Variants in SETBP1 observed in about 807,000 individuals in gnomAD.
SETBP1 encodes SET-binding protein.
In SETBP1, 9 loss-of-function variants were observed where a neutral mutation model predicts 101.0. That is an observed-to-expected ratio of 0.09 (90% CI 0.05 to 0.16). The LOEUF (loss-of-function observed/expected upper bound fraction) is 0.16, where lower values mean the gene tolerates loss of function less well. Ranked by LOEUF, SETBP1 falls within the 10% of genes least tolerant of loss-of-function variation. The pLI, the probability that SETBP1 is intolerant of heterozygous loss-of-function variation, is 1.00. For synonymous variants in SETBP1, 818 were observed against 788.5 expected, an observed-to-expected ratio of 1.04 and a Z score of -0.63; for missense variants, 1,858 against 2,033.8, an observed-to-expected ratio of 0.91 and a Z score of 1.66.
At position 44,950,739 on chromosome 18, in the gene SETBP1, T is replaced by C. The variant is rs2071325621; in HGVS notation, c.1399T>C (p.Leu467=). The C allele has an allele frequency of 6.2e-7, 1 of 1,614,046 alleles. No individual in the cohort carries two copies. The highest frequency in any genetic ancestry group is 8.5e-7 in the Non-Finnish European group (1 of 1,180,004). Residue 467 remains leucine, a synonymous_variant, in exon 4 of 6, where the codon TTG becomes CTG. Coordinates refer to ENST00000649279, the MANE Select transcript of SETBP1 (RefSeq NM_015559.3). ...TAAGAAGGATCCCCGTGTCCCTAAG[T>C]TGAGTAAAATGATAGAGAATGAGTC... ...GNKKDPRVPK[L]SKMIENESPS... is the part of the protein sequence containing the mutation.
At chr18:44,746,343 C>T (rs1429147976) in intron 2 of SETBP1, among the ~76,000 whole-genome samples, 2 of 152,114 alleles carry the variant, frequency 1.3e-5, no homozygotes, top group African/African-American at 4.8e-5. Context: ...TAGCTTGGCA[C>T]ATAATAAGCA....
intron 3 of SETBP1, among the ~76,000 whole-genome samples, chr18:44,893,355 T>G (rs889878340): frequency 6.6e-6 from 1 of 152,186 alleles, no homozygotes. Flanking sequence ...GTAGGTTCTA[T>G]GAATGCTCCA....
chr18:44,778,291 G>A (rs964515041), intron 2 of SETBP1, among the ~76,000 whole-genome samples: 3 of 152,100 alleles, frequency 2.0e-5, no homozygotes, highest in Admixed American at 6.5e-5. Context: ...AGCCTAGGGG[G>A]GCCTATTCTC....
rs139714858 is a variant in SETBP1, at chr18:44,765,960, G to A, written c.486+64128G>A. ...TTAGAGTTATACTTAAGGAAGTGGT[G>A]TTTATTAGCCAGCCTGTAGTAGGAC... On this transcript the variant is annotated intron_variant, in intron 2 of 5. Transcript: ENST00000649279. 2.5e-3 allele frequency among the ~76,000 whole-genome samples: 385 copies of A among 152,342 alleles called. 8 individuals carry two copies. Among genetic ancestry groups the A allele is most frequent in the African/African-American group, 8.9e-3 (368 of 41,578 alleles).
At chr18:44,788,108 A>T (rs1458850439) in intron 2 of SETBP1, among the ~76,000 whole-genome samples, 1 of 151,696 alleles carries the variant, frequency 6.6e-6, no homozygotes, top group Non-Finnish European at 1.5e-5. Flanking sequence ...AAAATTTCTC[A>T]AGTGATTGAA....
At chr18:44,997,644 A>T (rs1225282284) in intron 4 of SETBP1, among the ~76,000 whole-genome samples, 1 of 152,170 alleles carries the variant, frequency 6.6e-6, no homozygotes, top group East Asian at 1.9e-4. Flanking sequence ...TAGGCATTGC[A>T]TTACTTAGTC....
rs376301540 is a variant in SETBP1 at position 44,936,021 on chromosome 18, G to T, written c.541-13860G>T. Among the ~76,000 whole-genome samples the T allele has an allele frequency of 1.4e-4, 22 of 152,314 alleles. No individual in the cohort carries two copies. In the South Asian group the frequency reaches 4.6e-3, roughly 32 times the overall value. The stretch of plus-strand genomic sequence containing the variant: ...GCATGGAGAACAAAGCCTCAGTGAA[G>T]AATAGCTAAAACATTTTTAAAACTG... On this transcript the variant is annotated intron_variant, in intron 3 of 5. Coordinates refer to ENST00000649279, the MANE Select transcript of SETBP1 (RefSeq NM_015559.3).
At chr18:44,918,445 A>G (rs1418592550) in intron 3 of SETBP1, among the ~76,000 whole-genome samples, 2 of 152,198 alleles carry the variant, frequency 1.3e-5, no homozygotes, top group Non-Finnish European at 2.9e-5. Flanking sequence ...CTTGACTCTG[A>G]GTTAGAAAAC....
chr18:45,040,327 T>TAGC (rs2073483861), intron 5 of SETBP1, among the ~76,000 whole-genome samples: 1 of 152,142 alleles, frequency 6.6e-6, no homozygotes, highest in Non-Finnish European at 1.5e-5. Flanking sequence ...GATGGATTAG[T>TAGC]AGCACCTTGG....
At chr18:45,027,122 G>A (rs189058946) in intron 4 of SETBP1, among the ~76,000 whole-genome samples, 24 of 152,244 alleles carry the variant, frequency 1.6e-4, no homozygotes, top group Non-Finnish European at 2.4e-4. Flanking sequence ...CTATAGAATC[G>A]AGAGAGAGTG....
At chr18:44,853,257 T>A (rs1348862441) in intron 2 of SETBP1, among the ~76,000 whole-genome samples, 1 of 152,236 alleles carries the variant, frequency 6.6e-6, no homozygotes. Flanking sequence ...AGCTCTCCCA[T>A]GTGAAGAGAT....
At position 44,710,022 on chromosome 18, in the gene SETBP1, A is replaced by T. The variant is rs572271744; in HGVS notation, c.486+8190A>T. On this transcript the variant is annotated intron_variant, in intron 2 of 5. Coordinates refer to ENST00000649279, the MANE Select transcript of SETBP1 (RefSeq NM_015559.3). ...AGCTGGCGGCTGCTACTCTTCCAGC[A>T]TTTGCAAAGTCGGCCCCTCTTCCTC... 5.9e-5 allele frequency among the ~76,000 whole-genome samples: 9 copies of T among 152,090 alleles called. No individual in the cohort carries two copies. In the East Asian group the frequency reaches 7.7e-4, roughly 13 times the overall value.
At chr18:44,857,911 C>A (rs2073009276) in intron 2 of SETBP1, among the ~76,000 whole-genome samples, 1 of 152,104 alleles carries the variant, frequency 6.6e-6, no homozygotes, top group Admixed American at 6.5e-5. Context: ...GCACAGAGTT[C>A]TTGAGAGTGA....
At chr18:44,849,206 G>A (rs527300143) in intron 2 of SETBP1, among the ~76,000 whole-genome samples, 13 of 152,184 alleles carry the variant, frequency 8.5e-5, no homozygotes, top group Admixed American at 6.5e-5. Flanking sequence ...AAAATATCTC[G>A]GGACCTTTTA....
chr18:44,933,460 C>T (rs186268579), intron 3 of SETBP1, among the ~76,000 whole-genome samples: 3 of 152,226 alleles, frequency 2.0e-5, no homozygotes, highest in Non-Finnish European at 2.9e-5. Flanking sequence ...GCTGGAAGAA[C>T]CACTCCTCTC....
chr18:44,903,259 T>C (rs2070095582), intron 3 of SETBP1, among the ~76,000 whole-genome samples: 1 of 152,140 alleles, frequency 6.6e-6, no homozygotes, highest in Non-Finnish European at 1.5e-5. Context: ...AAGCTCTTTT[T>C]CCCCACTTAC....
Position 44,953,171 on chromosome 18 carries a change from C to T in SETBP1, c.3831C>T (p.Asn1277=), listed in dbSNP as rs1395585695. ...ATGGTGGCAGCACGAGATCAGAGAA[C>T]CTGGACGTGTTCAGTGAAATGAACC... The part of the protein sequence containing the change: ...GGDGGSTRSE[N]LDVFSEMNPS... Residue 1277 remains asparagine, a synonymous_variant, in exon 4 of 6, where the codon AAC becomes AAT. Coordinates refer to ENST00000649279, the MANE Select transcript of SETBP1 (RefSeq NM_015559.3). 2 of 1,613,924 alleles carry T rather than the reference C, an allele frequency of 1.2e-6. No homozygotes were observed. The highest frequency in any genetic ancestry group is 8.5e-7 in the Non-Finnish European group (1 of 1,180,004).
intron 4 of SETBP1, among the ~76,000 whole-genome samples, chr18:45,020,696 C>T (rs996514589): frequency 1.3e-5 from 2 of 152,166 alleles, no homozygotes; most frequent in Non-Finnish European, 2.9e-5. Flanking sequence ...CTGGAAATCC[C>T]ATGTCCTGAA....
intron 4 of SETBP1, among the ~76,000 whole-genome samples, chr18:44,984,387 G>C (rs571271648): frequency 3.3e-5 from 5 of 152,238 alleles, no homozygotes; most frequent in African/African-American, 1.2e-4. Context: ...GAATATGCAA[G>C]CTAGATCCCT....
Sources: gnomAD v4.1 joint callset for allele counts (sites outside exome capture counted in the v4.1 genomes callset) on GRCh38, gnomAD v4.1.1 for gene constraint, MANE v1.5 for transcripts, NCBI Gene and HGNC (gene_info 2026-07-23, HGNC 2026-07-21) for gene names.